FNDC3A: variants seen among roughly 807,000 people sequenced by gnomAD.
FNDC3A encodes the protein fibronectin type-III domain-containing protein 3A.
In FNDC3A, 32 loss-of-function variants were observed where a neutral mutation model predicts 148.9. The ratio of observed to expected loss-of-function variants is 0.21; its 90% CI spans 0.16 to 0.29. FNDC3A has a LOEUF of 0.29. Among genes scored for constraint, FNDC3A ranks in the 10% least tolerant of loss-of-function variants. The pLI, the probability that FNDC3A is intolerant of heterozygous loss-of-function variation, is 1.00. For missense variants in FNDC3A, 1,191 were observed against 1,452.8 expected (o/e 0.82, Z 2.93); for synonymous variants, 472 against 473.6 (o/e 1.00, Z 0.04).
intron 4 of FNDC3A, among the ~76,000 whole-genome samples, chr13:49,122,966 A>G (rs775157927): frequency 6.6e-6 from 1 of 152,222 alleles, no homozygotes; most frequent in Non-Finnish European, 1.5e-5. Flanking sequence ...TCAAGCTACC[A>G]TTGATTTTCT....
intron 1 of FNDC3A, among the ~76,000 whole-genome samples, chr13:49,001,869 A>G (rs1952131546): frequency 6.6e-6 from 1 of 151,950 alleles, no homozygotes; most frequent in Non-Finnish European, 1.5e-5. Context: ...CCCTGCCTCC[A>G]TTTGCCTTGT....
intron 5 of FNDC3A, among the ~76,000 whole-genome samples, chr13:49,136,074 A>G (rs1872811952): frequency 1.3e-5 from 2 of 152,142 alleles, no homozygotes; most frequent in Non-Finnish European, 2.9e-5. Flanking sequence ...TTCTATGGAG[A>G]TTAATAATTA....
intron 25 of FNDC3A, among the ~76,000 whole-genome samples, chr13:49,205,833 CTAATT>C (rs372296515): frequency 1.9e-3 from 296 of 152,266 alleles, no homozygotes; most frequent in African/African-American, 6.8e-3. Flanking sequence ...CAATAATTCA[CTAATT>C]TAATGTCCTT....
At chr13:49,173,356 T>C (rs948673669) in intron 11 of FNDC3A, among the ~76,000 whole-genome samples, 9 of 152,206 alleles carry the variant, frequency 5.9e-5, no homozygotes, top group African/African-American at 1.9e-4. Context: ...ATCACATTAA[T>C]TTAGAAGAAA....
rs145704560 is a variant in FNDC3A, at chr13:49,162,079, T to A, written c.978-5165T>A. The stretch of plus-strand genomic sequence containing the variant: ...TCAACTTTGGTGAATCTGACAGTTA[T>A]GTGTCTTGGGGTTGCTCTTCTCAAG... On this transcript the variant is annotated intron_variant, in intron 8 of 25. Transcript: ENST00000492622. 2.6e-3 allele frequency among the ~76,000 whole-genome samples: 402 copies of A among 152,274 alleles called. 2 individuals are homozygous for A. The highest frequency in any genetic ancestry group is 0.01 in the Middle Eastern group (3 of 294).
intron 3 of FNDC3A, among the ~76,000 whole-genome samples, chr13:49,089,447 T>C (rs569543111): frequency 3.3e-5 from 5 of 152,112 alleles, no homozygotes; most frequent in African/African-American, 4.8e-5. Flanking sequence ...GAAAGAGAGA[T>C]TGTCTGGAAT....
chr13:49,017,248 T>A (rs1275444531), intron 2 of FNDC3A, among the ~76,000 whole-genome samples: 2 of 152,174 alleles, frequency 1.3e-5, no homozygotes, highest in Non-Finnish European at 2.9e-5. Flanking sequence ...AGTCTCTTTG[T>A]AGGTCACTCA....
At chr13:49,024,887 T>C (rs1306056918) in intron 2 of FNDC3A, among the ~76,000 whole-genome samples, 1 of 152,026 alleles carries the variant, frequency 6.6e-6, no homozygotes, top group African/African-American at 2.4e-5. Context: ...TTCCTTTCAA[T>C]AATCATTTTT....
At chr13:49,091,171 T>C (rs1879168079) in intron 3 of FNDC3A, among the ~76,000 whole-genome samples, 2 of 151,908 alleles carry the variant, frequency 1.3e-5, no homozygotes, top group South Asian at 4.2e-4. Flanking sequence ...GAGAAGAAAC[T>C]GATTTCCAGA....
intron 2 of FNDC3A, among the ~76,000 whole-genome samples, chr13:49,040,826 CACACTTATAAGAGTTACTTGGTTT>C (rs1874866007): frequency 6.6e-6 from 1 of 152,178 alleles, no homozygotes; most frequent in African/African-American, 2.4e-5. Flanking sequence ...CCTCACCTGT[CACACTTATAAGAGTTACTTGGTTT>C]ACAGGATTTT....
At position 49,198,220 on chromosome 13, in the gene FNDC3A, T is replaced by A; in HGVS notation, c.2729T>A (p.Val910Asp). Residue 910 changes from valine (V) to aspartate (D), a missense_variant, in exon 22 of 26, where the codon GTT (valine) becomes GAT (aspartate). This residue lies in a region of FNDC3A where 751 missense variants were observed against 944.0 expected (regional missense o/e 0.80). Coordinates refer to ENST00000492622, the MANE Select transcript of FNDC3A (RefSeq NM_001079673.2). ...GDKQSLTVGK[V>D]TSYIINNLQP... ...AAACAATCCCTAACAGTGGGAAAGG[T>A]TACAAGCTATATTATCAACAATTTG... 6.2e-7 allele frequency: 1 copy of A among 1,614,038 alleles called. No individual in the cohort carries two copies. Among genetic ancestry groups the A allele is most frequent in the Non-Finnish European group, 8.5e-7 (1 of 1,179,958 alleles).
chr13:49,189,316 G>T (rs1885755484), intron 17 of FNDC3A, among the ~76,000 whole-genome samples: 1 of 151,986 alleles, frequency 6.6e-6, no homozygotes, highest in Non-Finnish European at 1.5e-5. Context: ...CCTAGTAGCT[G>T]GGACTACAGG....
rs1188975667 is a variant in FNDC3A at position 49,175,422 on chromosome 13, G to T, written c.1411G>T (p.Ala471Ser). 1.5e-5 allele frequency: 24 copies of T among 1,612,430 alleles called. No homozygotes were observed. The highest frequency in any genetic ancestry group is 3.3e-4 in the Middle Eastern group (2 of 6,058). ...CTCAGGCTGTGCTCCTTCTATGCCA[G>T]CAAGTCCTGTATTAACCAAGGCTGG... Reference protein sequence around the residue: ...YTSGCAPSMPASPVLTKAGIT... With the variant: ...YTSGCAPSMPSSPVLTKAGIT... Residue 471 changes from alanine to serine, a missense_variant, in exon 13 of 26, where the codon GCA (alanine) becomes TCA (serine). By Grantham distance (99) the Ala-to-Ser change is moderately conservative. Coordinates refer to ENST00000492622, the MANE Select transcript of FNDC3A (RefSeq NM_001079673.2).
intron 25 of FNDC3A, among the ~76,000 whole-genome samples, chr13:49,204,237 C>T (rs945295770): frequency 2.6e-5 from 4 of 152,070 alleles, no homozygotes; most frequent in African/African-American, 9.7e-5. Flanking sequence ...TGGAGTGTTG[C>T]CAATGTTTGT....
intron 2 of FNDC3A, among the ~76,000 whole-genome samples, chr13:49,009,280 C>T (rs1360659219): frequency 6.6e-6 from 1 of 152,190 alleles, no homozygotes; most frequent in South Asian, 2.1e-4. Flanking sequence ...TAATTTCTTT[C>T]CACGGCTTAA....
chr13:49,033,265 T>C (rs1395547489), intron 2 of FNDC3A, among the ~76,000 whole-genome samples: 1 of 152,224 alleles, frequency 6.6e-6, no homozygotes, highest in East Asian at 1.9e-4. Flanking sequence ...AAGCAGATGC[T>C]ACTGCACTTC....
intron 24 of FNDC3A, among the ~76,000 whole-genome samples, 200 bp from the exon 25 acceptor site, chr13:49,202,957 G>C (rs769343474): frequency 6.6e-6 from 1 of 152,236 alleles, no homozygotes; most frequent in Non-Finnish European, 1.5e-5. Context: ...CTGGGTGACA[G>C]AGTGAGATCC....
At chr13:48,984,126 A>G (rs1363442033) in intron 1 of FNDC3A, among the ~76,000 whole-genome samples, 1 of 152,224 alleles carries the variant, frequency 6.6e-6, no homozygotes, top group African/African-American at 2.4e-5. Flanking sequence ...TAGCAGCCTA[A>G]ACTATAAAAT....
chr13:49,175,469 A>T lies in FNDC3A; in HGVS notation c.1458A>T (p.Gln486His). 1 of 1,613,346 alleles carries T rather than the reference A, an allele frequency of 6.2e-7. No homozygotes were observed. The highest frequency in any genetic ancestry group is 2.2e-5 in the East Asian group (1 of 44,844). ...CTGGAATTACTTGGTTATCCTTACA[A>T]TGGAGTAAGCCCTCAGGAACACCAT... is the stretch of plus-strand genomic sequence containing the variant. ...TKAGITWLSLQWSKPSGTPSD... is the reference protein window; with the variant it reads ...TKAGITWLSLHWSKPSGTPSD... Residue 486 changes from glutamine to histidine, a missense_variant, in exon 13 of 26, where the codon CAA (glutamine) becomes CAT (histidine). Transcript: ENST00000492622.
Sources: gnomAD v4.1 joint callset for allele counts (sites outside exome capture counted in the v4.1 genomes callset) on GRCh38, gnomAD v4.1.1 for gene constraint, gnomAD v4.1.1 regional missense constraint, MANE v1.5 for transcripts, NCBI Gene and HGNC (gene_info 2026-07-23, HGNC 2026-07-21) for gene names.